Variants in DMXL1 observed in about 807,000 individuals in gnomAD.
The protein encoded by DMXL1 is Dmx like 1, also known as dmX-like protein 1.
In DMXL1, 99 loss-of-function variants were observed where a neutral mutation model predicts 319.2. The ratio of observed to expected loss-of-function variants is 0.31; its 90% CI spans 0.26 to 0.37. DMXL1 has a LOEUF of 0.37. Among genes scored for constraint, DMXL1 ranks in the 10% least tolerant of loss-of-function variants. The probability of loss-of-function intolerance (pLI) is 1.00; values close to 1 mark genes in which losing one functional copy is unlikely to be tolerated. For synonymous variants in DMXL1, 1,385 were observed against 1,235.2 expected, an observed-to-expected ratio of 1.12 and a Z score of -2.54; for missense variants, 3,745 against 3,595.6, an observed-to-expected ratio of 1.04 and a Z score of -1.06.
chr5:119,183,758 C>T (rs1392689063), intron 28 of DMXL1, among the ~76,000 whole-genome samples: 1 of 152,014 alleles, frequency 6.6e-6, no homozygotes, highest in Admixed American at 6.6e-5. Context: ...CACGCCTGGC[C>T]AGGAGTACAT....
In DMXL1 at chr5:119,170,613, A is replaced by G. The variant is rs764349023; in HGVS notation, c.5822A>G (p.Glu1941Gly). ...GGATCTTCTTCAGAGGGTTCCTCAG[A>G]GAAGCAATCAAACTCCACTCTTTCT... ...GFGSSSEGSS[E>G]KQSNSTLSFD... Residue 1941 changes from glutamate (E) to glycine (G), a missense_variant, in exon 24 of 44, where the codon GAG becomes GGG. Physicochemically the swap from Glu to Gly is moderately conservative, Grantham distance 98. Coordinates refer to ENST00000539542, the MANE Select transcript of DMXL1 (RefSeq NM_001290321.3). The G allele has an allele frequency of 3.1e-6, 5 of 1,613,818 alleles. No homozygotes were observed. Among genetic ancestry groups the G allele is most frequent in the Admixed American group, 1.7e-5 (1 of 59,986 alleles).
rs780795841 is a variant in DMXL1, at chr5:119,121,143, A to G, written c.1102+4A>G. The G allele has an allele frequency of 3.8e-6, 6 of 1,589,298 alleles. No homozygotes were observed. Among genetic ancestry groups the G allele is most frequent in the Admixed American group, 1.9e-5 (1 of 53,728 alleles). On this transcript the variant is annotated splice_donor_region_variant and intron_variant, in intron 9 of 43. Transcript: ENST00000539542. ...GCCAGCATCAACCCAGCCACAGGTA[A>G]TGAAACATTGTTCAAAACATGTTTC...
At chr5:119,101,287 C>T (rs754389087) in intron 2 of DMXL1, among the ~76,000 whole-genome samples, 2 of 152,090 alleles carry the variant, frequency 1.3e-5, no homozygotes, top group East Asian at 1.9e-4. Flanking sequence ...TTCTTACCTT[C>T]TCTTTACTAC....
At chr5:119,105,664 G>C (rs1298981930) in intron 4 of DMXL1, among the ~76,000 whole-genome samples, 2 of 152,136 alleles carry the variant, frequency 1.3e-5, no homozygotes, top group Non-Finnish European at 2.9e-5. Context: ...GGGAGGCTGA[G>C]GTGGGCAGAT....
At chr5:119,098,855 C>G (rs1239945120) in intron 2 of DMXL1, among the ~76,000 whole-genome samples, 1 of 152,138 alleles carries the variant, frequency 6.6e-6, no homozygotes, top group Non-Finnish European at 1.5e-5. Context: ...TATGATTCCA[C>G]TAGAACATTT....
chr5:119,100,326 C>G (rs1340038165), intron 2 of DMXL1, among the ~76,000 whole-genome samples: 2 of 151,482 alleles, frequency 1.3e-5, no homozygotes, highest in Non-Finnish European at 2.9e-5. Flanking sequence ...ATCCCAGCTA[C>G]TCAGGAGGCT....
chr5:119,228,558 G>GT (rs2150645616), intron 38 of DMXL1, among the ~76,000 whole-genome samples: 1 of 152,202 alleles, frequency 6.6e-6, no homozygotes, highest in African/African-American at 2.4e-5. Context: ...ATATAAGAAG[G>GT]TATCACCGTT....
At chr5:119,182,376 AT>A (rs966599542) in intron 28 of DMXL1, among the ~76,000 whole-genome samples, 11 of 152,196 alleles carry the variant, frequency 7.2e-5, no homozygotes, top group Non-Finnish European at 1.2e-4. Context: ...TACATTGTAT[AT>A]TGAAGATGAA....
intron 28 of DMXL1, chr5:119,178,705 A>C: frequency 3.1e-6 from 3 of 955,200 alleles, no homozygotes; most frequent in Non-Finnish European, 2.5e-6. Flanking sequence ...TATGAGCTTT[A>C]GAAATAGGCT....
chr5:119,173,327 C>A (rs1774974598), intron 25 of DMXL1, among the ~76,000 whole-genome samples: 1 of 140,322 alleles, frequency 7.1e-6, no homozygotes, highest in African/African-American at 2.7e-5. Flanking sequence ...GCAACAAGAG[C>A]AAAACTCCGC....
intron 3 of DMXL1, chr5:119,104,042 T>C (rs1757825082): frequency 1.3e-5 from 2 of 152,232 alleles, no homozygotes; most frequent in South Asian, 4.1e-4. Flanking sequence ...GAAAGATGTA[T>C]AAAATCTATG....
chr5:119,078,865 T>A (rs539685568), intron 1 of DMXL1, among the ~76,000 whole-genome samples: 20 of 152,368 alleles, frequency 1.3e-4, no homozygotes, highest in Admixed American at 6.5e-4. Context: ...TCACCGTTAT[T>A]GCTACACATT....
intron 4 of DMXL1, 128 bp from the exon 5 acceptor site, chr5:119,110,023 C>G (rs1759221980): frequency 1.4e-6 from 1 of 727,966 alleles, no homozygotes; most frequent in African/African-American, 1.9e-5. Flanking sequence ...GCCTTCTCCT[C>G]CGTTCTTCAA....
At position 119,202,885 on chromosome 5, in the gene DMXL1, T is replaced by TTATATA. The variant is rs372719854; in HGVS notation, c.7746-418_7746-413dup. On this transcript the variant is annotated intron_variant, in intron 32 of 43. Coordinates refer to ENST00000539542, the MANE Select transcript of DMXL1 (RefSeq NM_001290321.3). ...CATACATATATATATATATATATTT[T>TTATATA]TATATATATATATATATATATTTAT... 1.8e-3 allele frequency among the ~76,000 whole-genome samples: 241 copies of TTATATA among 130,766 alleles called. 1 individual carries two copies. Among genetic ancestry groups the TTATATA allele is most frequent in the Middle Eastern group, 3.9e-3 (1 of 258 alleles). 85.8% of individuals were successfully genotyped at this position (130,766 alleles called of 152,430 possible). A position where few individuals can be genotyped will look rare whatever the true frequency, so the allele number is the denominator to read the frequency against.
chr5:119,093,444 AATT>A (rs1264769069), intron 1 of DMXL1, among the ~76,000 whole-genome samples: 2 of 151,934 alleles, frequency 1.3e-5, no homozygotes, highest in African/African-American at 2.4e-5. Context: ...CCCCTTTTAA[AATT>A]ATTATTATAT....
intron 28 of DMXL1, chr5:119,178,589 A>G (rs1326356969): frequency 7.1e-6 from 7 of 985,188 alleles, no homozygotes; most frequent in Non-Finnish European, 8.4e-6. Flanking sequence ...GCACTTTGCT[A>G]TGCCTAGCCC....
chr5:119,083,805 T>C (rs576528999), intron 1 of DMXL1, among the ~76,000 whole-genome samples: 1 of 152,310 alleles, frequency 6.6e-6, no homozygotes, highest in African/African-American at 2.4e-5. Context: ...CCCAAAATGC[T>C]GGCATTACAG....
chr5:119,220,842 A>C (rs1219844412), intron 36 of DMXL1, 98 bp from the exon 37 acceptor site: 4 of 1,418,632 alleles, frequency 2.8e-6, no homozygotes, highest in Non-Finnish European at 3.8e-6. Flanking sequence ...AAGAAAATTA[A>C]TTTTAAAGGG....
Position 119,133,145 on chromosome 5 carries a change from T to G in DMXL1, c.1329T>G (p.Gly443=). 6.2e-7 allele frequency: 1 copy of G among 1,613,940 alleles called. No individual in the cohort carries two copies. Among genetic ancestry groups the G allele is most frequent in the Non-Finnish European group, 8.5e-7 (1 of 1,179,866 alleles). ...TTTTGCTTATAGAAACTGATGATGG[T>G]GTTGATGATCTGAAAATAAATCCCG... is the stretch of plus-strand genomic sequence containing the variant. ...DVKSDEETDD[G]VDDLKINPEK... Residue 443 remains glycine (G), a synonymous_variant, in exon 11 of 44, where the codon GGT becomes GGG. Coordinates refer to ENST00000539542, the MANE Select transcript of DMXL1 (RefSeq NM_001290321.3).
Sources: allele counts gnomAD v4.1 joint callset (sites outside exome capture counted in the v4.1 genomes callset), GRCh38; gene constraint gnomAD v4.1.1; transcripts MANE v1.5; gene names NCBI Gene and HGNC (gene_info 2026-07-23, HGNC 2026-07-21).